UBTD2: variants seen among roughly 807,000 people sequenced by gnomAD.
The protein encoded by UBTD2 is ubiquitin domain-containing protein 2.
Under a neutral mutation model 19.8 loss-of-function variants are expected in UBTD2, and 9 were observed. The observed-to-expected ratio is 0.46, with a 90% CI of 0.27 to 0.79. UBTD2 has a LOEUF of 0.79. UBTD2 is among the 30% of genes least tolerant of loss of function. The pLI, the probability that UBTD2 is intolerant of heterozygous loss-of-function variation, is 0.14. For synonymous variants in UBTD2, 98 were observed against 103.9 expected (o/e 0.94, Z 0.35); for missense variants, 250 against 300.4 (o/e 0.83, Z 1.24).
At chr5:172,232,568 AAG>A in intron 2 of UBTD2, among the ~76,000 whole-genome samples, 1 of 152,166 alleles carries the variant, frequency 6.6e-6, no homozygotes, top group Non-Finnish European at 1.5e-5. Context: ...ATAGTAAGTT[AAG>A]TATCTTTTGG....
intron 1 of UBTD2, among the ~76,000 whole-genome samples, chr5:172,242,763 GTA>G (rs770943146): frequency 1.2e-4 from 18 of 152,142 alleles, no homozygotes; most frequent in Non-Finnish European, 1.3e-4. Flanking sequence ...TGATGCTTTA[GTA>G]TATCTATTGA....
intron 2 of UBTD2, among the ~76,000 whole-genome samples, chr5:172,221,094 T>C (rs1379536453): frequency 1.3e-5 from 2 of 152,186 alleles, no homozygotes; most frequent in Admixed American, 1.3e-4. Context: ...AAAACCTTGA[T>C]AAAATAATTA....
chr5:172,214,091 A>T (rs1021322423), intron 2 of UBTD2, among the ~76,000 whole-genome samples: 1 of 152,262 alleles, frequency 6.6e-6, no homozygotes, highest in Admixed American at 6.5e-5. Context: ...GGCCAAAAGC[A>T]TAACTTAATG....
At chr5:172,258,931 TTTTA>T (rs1755212567) in intron 1 of UBTD2, among the ~76,000 whole-genome samples, 1 of 152,154 alleles carries the variant, frequency 6.6e-6, no homozygotes, top group African/African-American at 2.4e-5. Context: ...TTAGGATACC[TTTTA>T]TTTCTTTCTC....
chr5:172,279,909 C>T (rs1755674975), intron 1 of UBTD2, among the ~76,000 whole-genome samples: 1 of 152,122 alleles, frequency 6.6e-6, no homozygotes, highest in Non-Finnish European at 1.5e-5. Flanking sequence ...CAAGACCAGC[C>T]TGACCAACAC....
In UBTD2 at chr5:172,212,040, C is replaced by A; in HGVS notation, c.495G>T (p.Lys165Asn). 1 of 1,614,248 alleles carries A rather than the reference C, an allele frequency of 6.2e-7. No individual in the cohort carries two copies. Among genetic ancestry groups the A allele is most frequent in the Non-Finnish European group, 8.5e-7 (1 of 1,180,036 alleles). ...CTGTGTCTGTGCTGCGAACCACAAG[C>A]TTGAGGTCTTTGCCTGTGGAAAGGC... ...RLRLSTGKDL[K>N]LVVRSTDTVF... The change falls in exon 3 of 3, where the codon AAG (lysine) becomes AAT (asparagine). Residue 165 changes from lysine to asparagine, a missense_variant. Physicochemically the swap from Lys to Asn is moderately conservative, Grantham distance 94 (BLOSUM62 0). Transcript: ENST00000393792.
chr5:172,245,727 A>G (rs780370733), intron 1 of UBTD2, among the ~76,000 whole-genome samples: 67 of 150,096 alleles, frequency 4.5e-4, no homozygotes, highest in Admixed American at 1.0e-3. Flanking sequence ...AAAAAAAAAG[A>G]AAGAAATGAA....
chr5:172,260,764 T>C (rs1477899762), intron 1 of UBTD2, among the ~76,000 whole-genome samples: 13 of 152,216 alleles, frequency 8.5e-5, no homozygotes, highest in Non-Finnish European at 1.9e-4. Context: ...TTATTGTTTC[T>C]AAAGTTCCTT....
chr5:172,221,220 G>A (rs756800883), intron 2 of UBTD2, among the ~76,000 whole-genome samples: 11 of 151,792 alleles, frequency 7.2e-5, no homozygotes, highest in African/African-American at 2.4e-4. Flanking sequence ...ATCCCAGAAG[G>A]AGGCTGGGCA....
intron 1 of UBTD2, among the ~76,000 whole-genome samples, chr5:172,272,961 C>T (rs1755526058): frequency 6.6e-6 from 1 of 152,036 alleles, no homozygotes; most frequent in Non-Finnish European, 1.5e-5. Flanking sequence ...CCTGTAGTCC[C>T]AGCTACTCGG....
At chr5:172,218,767 C>G (rs1416700174) in intron 2 of UBTD2, among the ~76,000 whole-genome samples, 1 of 135,602 alleles carries the variant, frequency 7.4e-6, no homozygotes, top group Non-Finnish European at 1.6e-5. Context: ...AGAGTCAGAC[C>G]CTGTCACCAA....
At chr5:172,272,415 C>T (rs914951261) in intron 1 of UBTD2, among the ~76,000 whole-genome samples, 2 of 152,048 alleles carry the variant, frequency 1.3e-5, no homozygotes, top group African/African-American at 2.4e-5. Context: ...CGGAAAGATG[C>T]GAGGGATGAG....
At chr5:172,213,634 A>T (rs1771489890) in intron 2 of UBTD2, among the ~76,000 whole-genome samples, 1 of 152,178 alleles carries the variant, frequency 6.6e-6, no homozygotes, top group African/African-American at 2.4e-5. Context: ...AATTTTAGAG[A>T]CAAGGTCTTG....
At position 172,234,269 on chromosome 5, in the gene UBTD2, T is replaced by A; in HGVS notation, c.160A>T (p.Arg54Trp). 1 of 1,614,204 alleles carries A rather than the reference T, an allele frequency of 6.2e-7. No individual in the cohort carries two copies. Among genetic ancestry groups the A allele is most frequent in the Non-Finnish European group, 8.5e-7 (1 of 1,180,040 alleles). ...PMTDGQLRSKRDEFWDTAPAF... is the reference protein window; with the variant it reads ...PMTDGQLRSKWDEFWDTAPAF... ...GGTGCTGTATCCCAAAATTCATCCC[T>A]CTTGCTGCGTAGTTGTCCATCTGTC... The change falls in exon 2 of 3, where the codon AGG becomes TGG. Residue 54 changes from arginine to tryptophan, a missense_variant. Physicochemically the swap from Arg to Trp is moderately radical, Grantham distance 101. Coordinates refer to ENST00000393792, the MANE Select transcript of UBTD2 (RefSeq NM_152277.3).
chr5:172,216,591 CAAAAAAA>C (rs57657254), intron 2 of UBTD2, among the ~76,000 whole-genome samples: 4 of 36,930 alleles, frequency 1.1e-4, no homozygotes, highest in Admixed American at 4.3e-4. Flanking sequence ...CATCTCTACC[CAAAAAAA>C]AAAAAAAAAA....
intron 2 of UBTD2, among the ~76,000 whole-genome samples, chr5:172,221,730 A>AT (rs1771655916): frequency 6.6e-6 from 1 of 152,098 alleles, no homozygotes; most frequent in African/African-American, 2.4e-5. Context: ...AACACAGAGG[A>AT]TTTTTTAGGA....
At chr5:172,217,034 G>C (rs551325214) in intron 2 of UBTD2, among the ~76,000 whole-genome samples, 1 of 152,056 alleles carries the variant, frequency 6.6e-6, no homozygotes, top group Non-Finnish European at 1.5e-5. Context: ...CAGAAACCAT[G>C]CAAGTATACA....
intron 1 of UBTD2, among the ~76,000 whole-genome samples, chr5:172,280,205 A>G (rs1755681577): frequency 7.1e-6 from 1 of 140,584 alleles, no homozygotes; most frequent in South Asian, 2.4e-4. Flanking sequence ...CTTGATTAAA[A>G]GTAGGCATTA....
chr5:172,213,401 G>A (rs1771486565), intron 2 of UBTD2, among the ~76,000 whole-genome samples: 1 of 152,156 alleles, frequency 6.6e-6, no homozygotes, highest in Non-Finnish European at 1.5e-5. Context: ...GCTTATCTAT[G>A]AGTCTCATTA....
Sources: gnomAD v4.1 joint callset for allele counts (sites outside exome capture counted in the v4.1 genomes callset) on GRCh38, gnomAD v4.1.1 for gene constraint, MANE v1.5 for transcripts, NCBI Gene and HGNC (gene_info 2026-07-23, HGNC 2026-07-21) for gene names.